The following SLC8A1 variants were observed in gnomAD, a reference collection of about 807,000 sequenced individuals.
The protein encoded by SLC8A1 is sodium/calcium exchanger 1.
SLC8A1 carries 18 observed loss-of-function variants against 68.3 expected under a neutral mutation model. The observed-to-expected ratio is 0.26, with a 90% confidence interval of 0.18 to 0.39. SLC8A1 has a LOEUF of 0.39. Ranked by LOEUF, SLC8A1 falls within the 10% of genes least tolerant of loss-of-function variation. The pLI is 1.00. For synonymous variants in SLC8A1, 475 were observed against 415.5 expected (o/e 1.14, Z -1.74); for missense variants, 985 against 1,156.7 (o/e 0.85, Z 2.15).
chr2:40,422,687 A>C (rs1309062858), intron 2 of SLC8A1, among the ~76,000 whole-genome samples: 3 of 152,180 alleles, frequency 2.0e-5, no homozygotes, highest in Non-Finnish European at 1.5e-5. Context: ...CATAGGATTA[A>C]AGTAAAGCAG....
At chr2:40,129,304 C>A (rs1460460602) in intron 7 of SLC8A1, among the ~76,000 whole-genome samples, 1 of 151,200 alleles carries the variant, frequency 6.6e-6, no homozygotes, top group Non-Finnish European at 1.5e-5. Context: ...GATCATGGCT[C>A]ACTGCAGCCT....
chr2:40,382,958 T>C (rs1040401434), intron 2 of SLC8A1, among the ~76,000 whole-genome samples: 6 of 152,120 alleles, frequency 3.9e-5, no homozygotes, highest in Admixed American at 1.3e-4. Context: ...GAATACTATA[T>C]TTGCTTTTAT....
chr2:40,348,050 A>G (rs1256443356), intron 2 of SLC8A1, among the ~76,000 whole-genome samples: 1 of 152,198 alleles, frequency 6.6e-6, no homozygotes, highest in East Asian at 1.9e-4. Flanking sequence ...GAAGGAGGTC[A>G]GTAATTTGGG....
At chr2:40,264,944 G>T (rs1490625929) in intron 2 of SLC8A1, among the ~76,000 whole-genome samples, 3 of 152,192 alleles carry the variant, frequency 2.0e-5, no homozygotes, top group Non-Finnish European at 4.4e-5. Context: ...AGAAAACTGA[G>T]GCTTAGAGGG....
intron 2 of SLC8A1, among the ~76,000 whole-genome samples, chr2:40,304,733 G>T (rs1322389944): frequency 3.3e-5 from 5 of 152,104 alleles, no homozygotes; most frequent in African/African-American, 1.2e-4. Flanking sequence ...CTTCTAATCT[G>T]TTGGTACTGC....
At position 40,189,382 on chromosome 2, in the gene SLC8A1, G is replaced by A. The variant is rs1185361544; in HGVS notation, c.1809-11527C>T. 3.3e-5 allele frequency among the ~76,000 whole-genome samples: 5 copies of A among 152,184 alleles called. No homozygotes were observed. In the South Asian group the frequency reaches 1.0e-3, roughly 32 times the overall value. ...GTCGCCCAGTCTGTAGTGCAGTGGTGCAATCTCGGCTCACTGTAACCTCTG... is the reference window on the plus strand; with the variant it reads ...GTCGCCCAGTCTGTAGTGCAGTGGTACAATCTCGGCTCACTGTAACCTCTG... On this transcript the variant is annotated intron_variant, in intron 2 of 7. Transcript: ENST00000406785.
At chr2:40,207,361 G>T (rs936626388) in intron 2 of SLC8A1, among the ~76,000 whole-genome samples, 1 of 151,940 alleles carries the variant, frequency 6.6e-6, no homozygotes, top group Admixed American at 6.6e-5. Flanking sequence ...TGCCCTTAGG[G>T]AGAATGACAA....
chr2:40,348,270 G>A (rs1575593059), intron 2 of SLC8A1, among the ~76,000 whole-genome samples: 2 of 152,224 alleles, frequency 1.3e-5, no homozygotes, highest in East Asian at 1.9e-4. Flanking sequence ...AGACATAACC[G>A]CCTCCTCTCA....
chr2:40,113,354 A>G (rs2034808247), exon 8 of SLC8A1: 1 of 152,748 alleles, frequency 6.5e-6, no homozygotes, highest in East Asian at 1.9e-4. Flanking sequence ...AAGTCATTCT[A>G]TTATTTTTCT....
At chr2:40,462,448 A>G (rs1703404945) in intron 1 of SLC8A1, among the ~76,000 whole-genome samples, 1 of 151,732 alleles carries the variant, frequency 6.6e-6, no homozygotes, top group Non-Finnish European at 1.5e-5. Flanking sequence ...TACCTAATGA[A>G]TTTCCTGACA....
rs189856913 is a variant in SLC8A1, at chr2:40,186,071, C to T, written c.1809-8216G>A. Among the ~76,000 whole-genome samples, 24 of 152,270 alleles carry T rather than the reference C, an allele frequency of 1.6e-4. No homozygotes were observed. The East Asian group carries it at 4.6e-3, about 29-fold the overall frequency. On this transcript the variant is annotated intron_variant, in intron 2 of 7. Coordinates refer to ENST00000406785, the Ensembl canonical transcript of SLC8A1. Reference sequence around the variant, plus strand: ...TTGACACACTAAGCAGTTCTGGTGGCTGTTACCTCAGGCTGGCTTCCTTGA... The same window carrying T: ...TTGACACACTAAGCAGTTCTGGTGGTTGTTACCTCAGGCTGGCTTCCTTGA...
intron 2 of SLC8A1, among the ~76,000 whole-genome samples, chr2:40,393,860 T>C (rs1686057181): frequency 6.6e-6 from 1 of 152,096 alleles, no homozygotes; most frequent in African/African-American, 2.4e-5. Context: ...TATTATAAAG[T>C]TCAGCTTTTA....
intron 2 of SLC8A1, among the ~76,000 whole-genome samples, chr2:40,246,371 C>G (rs906392601): frequency 1.3e-5 from 2 of 152,200 alleles, no homozygotes; most frequent in Non-Finnish European, 2.9e-5. Flanking sequence ...AACTTTTGGC[C>G]AGAGTCAAAT....
At chr2:40,416,994 T>C (rs1051920962) in intron 2 of SLC8A1, among the ~76,000 whole-genome samples, 1 of 152,058 alleles carries the variant, frequency 6.6e-6, no homozygotes, top group African/African-American at 2.4e-5. Context: ...AAAATGATAA[T>C]TTACCAACCT....
chr2:40,320,910 A>G (rs2075105062), intron 2 of SLC8A1, among the ~76,000 whole-genome samples: 1 of 152,098 alleles, frequency 6.6e-6, no homozygotes, highest in Admixed American at 6.6e-5. Flanking sequence ...GCTGTGAGTT[A>G]CCCACAGTTT....
At chr2:40,367,859 C>G (rs1676771725) in intron 2 of SLC8A1, among the ~76,000 whole-genome samples, 1 of 152,040 alleles carries the variant, frequency 6.6e-6, no homozygotes, top group African/African-American at 2.4e-5. Flanking sequence ...CTGAAGACAA[C>G]ACAACCCCCC....
chr2:40,236,734 G>C (rs887147140), intron 2 of SLC8A1, among the ~76,000 whole-genome samples: 4 of 152,154 alleles, frequency 2.6e-5, no homozygotes, highest in Non-Finnish European at 5.9e-5. Flanking sequence ...TGCAGCCGCT[G>C]GTACTGGTTG....
chr2:40,257,549 C>G (rs1234674304), intron 2 of SLC8A1, among the ~76,000 whole-genome samples: 2 of 152,018 alleles, frequency 1.3e-5, no homozygotes, highest in Admixed American at 1.3e-4. Context: ...TATTTCCAGC[C>G]ACTATATCCA....
chr2:40,331,606 T>C (rs1035788633), intron 2 of SLC8A1, among the ~76,000 whole-genome samples: 18 of 152,136 alleles, frequency 1.2e-4, no homozygotes, highest in African/African-American at 4.3e-4. Flanking sequence ...TGTTTATTTT[T>C]TTTTTGAGAC....
Sources: gnomAD v4.1 joint callset for allele counts (sites outside exome capture counted in the v4.1 genomes callset) on GRCh38, gnomAD v4.1.1 for gene constraint, MANE v1.5 for transcripts, NCBI Gene and HGNC (gene_info 2026-07-23, HGNC 2026-07-21) for gene names.